The following STIM2 variants were observed in gnomAD, a reference collection of about 807,000 sequenced individuals.
The protein encoded by STIM2 is stromal interaction molecule 2.
Under a neutral mutation model 85.8 loss-of-function variants are expected in STIM2, and 31 were observed. The observed-to-expected ratio is 0.36, with a 90% confidence interval of 0.27 to 0.49. The LOEUF is 0.49. Among genes scored for constraint, STIM2 ranks in the 20% least tolerant of loss-of-function variants. The pLI, the probability that STIM2 is intolerant of heterozygous loss-of-function variation, is 0.98. For synonymous variants in STIM2, 356 were observed against 331.1 expected (o/e 1.08, Z -0.82); for missense variants, 841 against 927.6 (o/e 0.91, Z 1.21).
chr4:26,955,828 A>AGTC (rs1406008294), intron 2 of STIM2, among the ~76,000 whole-genome samples: 5 of 125,500 alleles, frequency 4.0e-5, no homozygotes, highest in South Asian at 2.5e-4. Flanking sequence ...TAATTGCCAT[A>AGTC]ATGCTGACAC....
chr4:26,972,034 C>T (rs1008264373), intron 3 of STIM2, among the ~76,000 whole-genome samples: 2 of 152,144 alleles, frequency 1.3e-5, no homozygotes, highest in Non-Finnish European at 2.9e-5. Flanking sequence ...TGATTTGGCT[C>T]TCTGTTTGTC....
chr4:27,016,734 A>T (rs1322962685), intron 10 of STIM2, among the ~76,000 whole-genome samples: 1 of 152,226 alleles, frequency 6.6e-6, no homozygotes, highest in Non-Finnish European at 1.5e-5. Flanking sequence ...TCATTATTCC[A>T]ATACCTAACG....
chr4:26,861,438 C>A, intron 1 of STIM2, 69 bp downstream of exon 1: 2 of 1,244,004 alleles, frequency 1.6e-6, no homozygotes, highest in South Asian at 3.1e-5. Flanking sequence ...GTGCAGAGGT[C>A]AGCATCTCCG....
intron 3 of STIM2, among the ~76,000 whole-genome samples, chr4:26,972,362 A>G (rs1396316063): frequency 1.3e-5 from 2 of 152,120 alleles, no homozygotes; most frequent in Non-Finnish European, 1.5e-5. Context: ...ATTCAGTATG[A>G]TACTGGCTGT....
intron 2 of STIM2, among the ~76,000 whole-genome samples, chr4:26,942,653 A>G (rs567774669): frequency 2.0e-5 from 3 of 152,214 alleles, no homozygotes; most frequent in Non-Finnish European, 2.9e-5. Flanking sequence ...ATGGTTTAAT[A>G]TATTTTCCTT....
At chr4:26,872,908 G>C (rs1722677939) in intron 1 of STIM2, among the ~76,000 whole-genome samples, 1 of 152,206 alleles carries the variant, frequency 6.6e-6, no homozygotes, top group Admixed American at 6.5e-5. Flanking sequence ...CAAGTCTGAA[G>C]AATTGGGGAA....
At position 27,002,311 on chromosome 4, in the gene STIM2, A is replaced by T. The variant is rs142240651; in HGVS notation, c.720A>T (p.Thr240=). ...GGTTTGCTTATACGCAGAATAAGAC[A>T]TCAAAAGAACATGTTGCAAAAATGA... The change falls in exon 6 of 12, where the codon ACA becomes ACT. Residue 240 remains threonine (T), a synonymous_variant. Transcript: ENST00000467087. 2.0e-5 allele frequency: 32 copies of T among 1,613,566 alleles called. No homozygotes were observed. Among genetic ancestry groups the T allele is most frequent in the Non-Finnish European group, 2.6e-5 (31 of 1,179,846 alleles).
chr4:27,014,410 T>C (rs1728665195), intron 10 of STIM2, among the ~76,000 whole-genome samples: 1 of 151,880 alleles, frequency 6.6e-6, no homozygotes, highest in South Asian at 2.1e-4. Flanking sequence ...ATTACTAATA[T>C]GTCACTTCCT....
At chr4:26,870,280 A>C (rs914041175) in intron 1 of STIM2, among the ~76,000 whole-genome samples, 1 of 150,296 alleles carries the variant, frequency 6.7e-6, no homozygotes, top group African/African-American at 2.5e-5. Context: ...GGTAGACCTT[A>C]AAAGTTCTTA....
intron 10 of STIM2, among the ~76,000 whole-genome samples, chr4:27,013,449 G>T (rs141325968): frequency 7.2e-5 from 11 of 152,066 alleles, no homozygotes; most frequent in East Asian, 3.9e-4. Flanking sequence ...ATCCACTGGG[G>T]TCTTAGAATC....
intron 1 of STIM2, among the ~76,000 whole-genome samples, chr4:26,868,725 T>C (rs982110401): frequency 3.3e-5 from 5 of 152,188 alleles, no homozygotes; most frequent in African/African-American, 1.2e-4. Flanking sequence ...CTAGATAATC[T>C]TAATCCCCCT....
chr4:26,960,725 A>T (rs960571487), intron 3 of STIM2, among the ~76,000 whole-genome samples: 1 of 152,210 alleles, frequency 6.6e-6, no homozygotes, highest in African/African-American at 2.4e-5. Flanking sequence ...GAGATTACTC[A>T]AAACCTGTAC....
At chr4:26,987,932 C>G (rs1343760402) in intron 3 of STIM2, among the ~76,000 whole-genome samples, 1 of 152,234 alleles carries the variant, frequency 6.6e-6, no homozygotes, top group Non-Finnish European at 1.5e-5. Context: ...TAGTAGTGGA[C>G]TTACAGTCAG....
At chr4:26,991,823 C>T (rs755927611) in intron 3 of STIM2, among the ~76,000 whole-genome samples, 8 of 152,016 alleles carry the variant, frequency 5.3e-5, no homozygotes, top group Non-Finnish European at 7.4e-5. Flanking sequence ...TTTCATTAGT[C>T]TTAGAATAAA....
At chr4:26,906,161 G>A (rs1329429396) in intron 1 of STIM2, among the ~76,000 whole-genome samples, 1 of 152,052 alleles carries the variant, frequency 6.6e-6, no homozygotes, top group Non-Finnish European at 1.5e-5. Context: ...TACCCTAAGC[G>A]AACTAATACA....
In STIM2 at chr4:27,025,060, A is replaced by ATT. The variant is rs934873900; in HGVS notation, c.*2064_*2065insTT. ...TTAGAGTGGAGGAGGCTGGCCAAAG[A>ATT]GACTGTGGGCTGTTTTCAGTCAGGG... On this transcript the variant is annotated 3_prime_UTR_variant, in exon 12 of 12. Coordinates refer to ENST00000467087, the MANE Select transcript of STIM2 (RefSeq NM_020860.4). 4.6e-5 allele frequency: 7 copies of ATT among 152,152 alleles called. No homozygotes were observed. The highest frequency in any genetic ancestry group is 1.7e-4 in the African/African-American group (7 of 41,414). The allele number at this position is 152,152 out of a possible 1,614,324, so 9.4% of individuals were successfully genotyped here. A position where few individuals can be genotyped will look rare whatever the true frequency, so the allele number is the denominator to read the frequency against.
intron 1 of STIM2, among the ~76,000 whole-genome samples, chr4:26,905,859 A>C (rs1296596552): frequency 6.6e-6 from 1 of 152,140 alleles, no homozygotes; most frequent in Non-Finnish European, 1.5e-5. Context: ...CATTTTGGAA[A>C]ATGTATGAGA....
intron 1 of STIM2, among the ~76,000 whole-genome samples, chr4:26,895,191 G>C (rs1226315153): frequency 2.0e-5 from 3 of 152,208 alleles, no homozygotes; most frequent in Non-Finnish European, 4.4e-5. Flanking sequence ...CAGCCTAGGC[G>C]ACAGAGTGAG....
At chr4:26,954,225 C>T (rs1560218474) in intron 2 of STIM2, among the ~76,000 whole-genome samples, 1 of 152,116 alleles carries the variant, frequency 6.6e-6, no homozygotes, top group Non-Finnish European at 1.5e-5. Context: ...CTAACTTCCC[C>T]AAACTGGATA....
Sources: gnomAD v4.1 joint callset for allele counts (sites outside exome capture counted in the v4.1 genomes callset) on GRCh38, gnomAD v4.1.1 for gene constraint, MANE v1.5 for transcripts, NCBI Gene and HGNC (gene_info 2026-07-23, HGNC 2026-07-21) for gene names.